Variants in PEG3 observed in about 807,000 individuals in gnomAD.
The protein encoded by PEG3 is paternally expressed 3.
A neutral mutation model predicts 35.5 loss-of-function variants in PEG3; 23 were observed. That is an observed-to-expected ratio of 0.65 (90% CI 0.47 to 0.92). The LOEUF (loss-of-function observed/expected upper bound fraction) is 0.92, where lower values mean the gene tolerates loss of function less well. Ranked by LOEUF, PEG3 falls within the 40% of genes least tolerant of loss-of-function variation. PEG3 has a pLI of 0.00. For missense variants in PEG3, 1,960 were observed against 1,985.3 expected (o/e 0.99, Z 0.24); for synonymous variants, 707 against 697.0 (o/e 1.01, Z -0.23).
chr19:56,831,872 G>T (rs532970798), intron 2 of PEG3, among the ~76,000 whole-genome samples: 1 of 152,250 alleles, frequency 6.6e-6, no homozygotes, highest in South Asian at 2.1e-4. Context: ...CCATTTACGT[G>T]TACACAGAGA....
At chr19:56,825,954 C>T (rs2060986808) in intron 3 of PEG3, among the ~76,000 whole-genome samples, 1 of 152,172 alleles carries the variant, frequency 6.6e-6, no homozygotes. Flanking sequence ...CCACTTCCCT[C>T]CCTATGCAAA....
At chr19:56,838,530 A>G (rs1403626728) in intron 1 of PEG3, among the ~76,000 whole-genome samples, 1 of 152,020 alleles carries the variant, frequency 6.6e-6, no homozygotes, top group Non-Finnish European at 1.5e-5. Context: ...CCGCCCCCAT[A>G]CACAAGATGG....
At chr19:56,828,284 A>G (rs2061254141) in intron 2 of PEG3, among the ~76,000 whole-genome samples, 1 of 152,220 alleles carries the variant, frequency 6.6e-6, no homozygotes, top group Non-Finnish European at 1.5e-5. Context: ...ATCAACTTTG[A>G]AACCTGTTAG....
chr19:56,811,524 TTAC>T lies in PEG3; in HGVS notation c.*2148_*2150del. On this transcript the variant is annotated 3_prime_UTR_variant, in exon 10 of 10. Transcript: ENST00000326441. ...CAATCATTCTCTTGTTTACCATTTGTTACTACCTTTTCACTAGCTGAAGGTTGG... is the reference window on the plus strand; with the variant it reads ...CAATCATTCTCTTGTTTACCATTTGTTACCTTTTCACTAGCTGAAGGTTGG... 1 of 985,304 alleles carries T rather than the reference TTAC, an allele frequency of 1.0e-6. No individual in the cohort carries two copies. Among genetic ancestry groups the T allele is most frequent in the Non-Finnish European group, 1.2e-6 (1 of 829,848 alleles). The allele number at this position is 985,304 out of a possible 1,614,324, so 61.0% of individuals were successfully genotyped here. A position where few individuals can be genotyped will look rare whatever the true frequency, so the allele number is the denominator to read the frequency against.
At position 56,815,783 on chromosome 19, in the gene PEG3, T is replaced by C; in HGVS notation, c.2659A>G (p.Lys887Glu). The C allele has an allele frequency of 1.2e-6, 2 of 1,613,842 alleles. No homozygotes were observed. The highest frequency in any genetic ancestry group is 1.7e-6 in the Non-Finnish European group (2 of 1,179,780). ...ARENPCEGGS[K>E]NRNYEDSVIQ... ...ACAGAGTCTTCATAGTTGCGATTCT[T>C]ACTGCCCCCTTCACAAGGGTTCTCT... The change falls in exon 10 of 10, where the codon AAG becomes GAG. Residue 887 changes from lysine to glutamate, a missense_variant. Physicochemically the swap from Lys to Glu is moderately conservative, Grantham distance 56. Coordinates refer to ENST00000326441, the MANE Select transcript of PEG3 (RefSeq NM_006210.3).
intron 2 of PEG3, among the ~76,000 whole-genome samples, chr19:56,831,410 C>T (rs1427232105): frequency 6.6e-6 from 1 of 152,174 alleles, no homozygotes; most frequent in Non-Finnish European, 1.5e-5. Context: ...CCGCTAATAC[C>T]TCAGTGTTTG....
rs1477443571 is a variant in PEG3 at position 56,816,453 on chromosome 19, C to T, written c.1989G>A (p.Glu663=). ...NPFENKGKVC[E]ETFIPGQSLK... ...GGGACTGACCAGGAATAAAGGTTTC[C>T]TCACACACTTTACCCTTGTTTTCAA... Residue 663 remains glutamate, a synonymous_variant, in exon 10 of 10, where the codon GAG becomes GAA. Transcript: ENST00000326441. 5.0e-6 allele frequency: 8 copies of T among 1,613,884 alleles called. No individual in the cohort carries two copies. The highest frequency in any genetic ancestry group is 6.8e-6 in the Non-Finnish European group (8 of 1,179,950).
intron 2 of PEG3, among the ~76,000 whole-genome samples, chr19:56,831,273 C>A (rs1827086040): frequency 6.6e-6 from 1 of 152,160 alleles, no homozygotes; most frequent in African/African-American, 2.4e-5. Context: ...GTGTAAAAGT[C>A]TATAGACACA....
chr19:56,824,556 T>C lies in PEG3; in HGVS notation c.100A>G (p.Ile34Val), dbSNP rs1292949186. ...GAGTCAGTTGGACCTTCTCCTATGA[T>C]GACATCCGGCTCCTTAGTCAAGTCA... ...DSDLTKEPDVIIGEGPTDSEF... is the reference protein window; with the variant it reads ...DSDLTKEPDVVIGEGPTDSEF... Residue 34 changes from isoleucine to valine, a missense_variant, in exon 4 of 10, where the codon ATC becomes GTC. By Grantham distance (29) the Ile-to-Val change is conservative. Around this residue, in one of 5 missense-constraint regions of PEG3, gnomAD observed 613 missense variants for 577.1 expected, o/e 1.06. Transcript: ENST00000326441. The C allele has an allele frequency of 6.2e-7, 1 of 1,614,144 alleles. No individual in the cohort carries two copies. The highest frequency in any genetic ancestry group is 1.3e-5 in the African/African-American group (1 of 75,052).
Position 56,810,834 on chromosome 19 carries a change from ATAATT to A in PEG3, c.*2836_*2840del, listed in dbSNP as rs1722932315. On this transcript the variant is annotated 3_prime_UTR_variant, in exon 10 of 10. Transcript: ENST00000326441. ...TTGGGAATATAGGTAATTTTTTAAA[ATAATT>A]TACTTTATTTTCTAATTTTTCCTCT... is the stretch of plus-strand genomic sequence containing the variant. 6 of 970,182 alleles carry A rather than the reference ATAATT, an allele frequency of 6.2e-6. No homozygotes were observed. Among genetic ancestry groups the A allele is most frequent in the Non-Finnish European group, 7.4e-6 (6 of 816,192 alleles). The allele number at this position is 970,182 out of a possible 1,614,324, so 60.1% of individuals were successfully genotyped here. A position where few individuals can be genotyped will look rare whatever the true frequency, so the allele number is the denominator to read the frequency against.
chr19:56,821,850 A>C lies in PEG3; in HGVS notation c.566-96T>G. On this transcript the variant is annotated intron_variant, in intron 6 of 9. Coordinates refer to ENST00000326441, the MANE Select transcript of PEG3 (RefSeq NM_006210.3). ...CAACTATGAAGCCAGCTGGGGTGTG[A>C]GTGTATGAGAGCAAGTGCCTTTCTC... 3 of 1,303,990 alleles carry C rather than the reference A, an allele frequency of 2.3e-6. No individual in the cohort carries two copies. In the South Asian group the frequency reaches 3.6e-5, roughly 16 times the overall value. 80.8% of individuals were successfully genotyped at this position (1,303,990 alleles called of 1,614,324 possible). A position where few individuals can be genotyped will look rare whatever the true frequency, so the allele number is the denominator to read the frequency against.
chr19:56,820,949 C>CTGTATA (rs1471335447), intron 7 of PEG3, among the ~76,000 whole-genome samples: 1 of 152,222 alleles, frequency 6.6e-6, no homozygotes, highest in Non-Finnish European at 1.5e-5. Flanking sequence ...TCCTCCTCCA[C>CTGTATA]ACTCCACCAT....
In PEG3 at chr19:56,813,296, G is replaced by C. The variant is rs1217837322; in HGVS notation, c.*379C>G. ...ATAAATCCAAATATATGTGATCACT[G>C]TTCTGTCATAATTTGCTATTTTATA... On this transcript the variant is annotated 3_prime_UTR_variant, in exon 10 of 10. Transcript: ENST00000326441. The C allele has an allele frequency of 6.4e-6, 6 of 939,728 alleles. No homozygotes were observed. In the East Asian group the frequency reaches 4.0e-4, roughly 63 times the overall value. 58.2% of individuals were successfully genotyped at this position (939,728 alleles called of 1,614,324 possible). A position where few individuals can be genotyped will look rare whatever the true frequency, so the allele number is the denominator to read the frequency against.
intron 6 of PEG3, among the ~76,000 whole-genome samples, chr19:56,821,999 C>T (rs2146309997): frequency 6.6e-6 from 1 of 152,216 alleles, no homozygotes; most frequent in South Asian, 2.1e-4. Context: ...GGAGGTGGTT[C>T]AGATTGTGCC....
chr19:56,822,627 T>C, intron 6 of PEG3, 126 bp downstream of exon 6: 3 of 1,345,776 alleles, frequency 2.2e-6, no homozygotes, highest in Non-Finnish European at 1.0e-6. Flanking sequence ...GACTAAACTT[T>C]TGGGGAAGCG....
At position 56,813,428 on chromosome 19, in the gene PEG3, T is replaced by C; in HGVS notation, c.*247A>G. Reference sequence around the variant, plus strand: ...CATAGGGTTTTCTCAATCTGATTACTTGGAAAGGTAAGATGTGTGCTATGG... The same window carrying C: ...CATAGGGTTTTCTCAATCTGATTACCTGGAAAGGTAAGATGTGTGCTATGG... On this transcript the variant is annotated 3_prime_UTR_variant, in exon 10 of 10. Transcript: ENST00000326441. The C allele has an allele frequency of 7.7e-7, 1 of 1,306,756 alleles. No individual in the cohort carries two copies. The highest frequency in any genetic ancestry group is 9.7e-7 in the Non-Finnish European group (1 of 1,027,810). The allele number at this position is 1,306,756 out of a possible 1,614,324, so 80.9% of individuals were successfully genotyped here. A position where few individuals can be genotyped will look rare whatever the true frequency, so the allele number is the denominator to read the frequency against.
At chr19:56,839,693 G>A (rs1272171573) in intron 1 of PEG3, among the ~76,000 whole-genome samples, 1 of 150,532 alleles carries the variant, frequency 6.6e-6, no homozygotes, top group Non-Finnish European at 1.5e-5. Context: ...GGGTGGGGCT[G>A]GAACAGACCA....
chr19:56,832,557 T>C (rs2061677184), intron 2 of PEG3, among the ~76,000 whole-genome samples: 1 of 152,122 alleles, frequency 6.6e-6, no homozygotes, highest in African/African-American at 2.4e-5. Context: ...CTCCCTCTGC[T>C]CTCTCTTCAG....
intron 2 of PEG3, among the ~76,000 whole-genome samples, chr19:56,831,135 T>C (rs1175744933): frequency 1.3e-5 from 2 of 152,096 alleles, no homozygotes; most frequent in African/African-American, 2.4e-5. Context: ...TAAGGTCTAT[T>C]TGGAGTGGGA....
Sources: allele counts gnomAD v4.1 joint callset (sites outside exome capture counted in the v4.1 genomes callset), GRCh38; gene constraint gnomAD v4.1.1; regional missense constraint gnomAD v4.1.1; transcripts MANE v1.5; gene names NCBI Gene and HGNC (gene_info 2026-07-23, HGNC 2026-07-21).